The following KDM3B variants were observed in gnomAD, a reference collection of about 807,000 sequenced individuals.
The protein encoded by KDM3B is lysine demethylase 3B.
KDM3B carries 10 observed loss-of-function variants against 170.0 expected under a neutral mutation model. The ratio of observed to expected loss-of-function variants is 0.06; its 90% CI spans 0.04 to 0.10. The LOEUF is 0.10. Among genes scored for constraint, KDM3B ranks in the 10% least tolerant of loss-of-function variants. KDM3B has a pLI of 1.00. For missense variants in KDM3B, 1,394 were observed against 2,195.2 expected, an observed-to-expected ratio of 0.64 and a Z score of 7.29; for synonymous variants, 831 against 834.8, an observed-to-expected ratio of 1.00 and a Z score of 0.08.
chr5:138,403,407 G>A (rs1278257979), intron 11 of KDM3B, among the ~76,000 whole-genome samples: 1 of 152,126 alleles, frequency 6.6e-6, no homozygotes, highest in Non-Finnish European at 1.5e-5. Context: ...CTGGCACAGT[G>A]GCTCATGCCT....
intron 1 of KDM3B, among the ~76,000 whole-genome samples, chr5:138,357,111 A>G (rs779385438): frequency 1.1e-4 from 17 of 149,770 alleles, no homozygotes; most frequent in East Asian, 2.0e-4. Context: ...GGCTCAAGCA[A>G]TCCTCCCAGG....
intron 1 of KDM3B, among the ~76,000 whole-genome samples, chr5:138,362,954 T>G (rs1761652223): frequency 6.6e-6 from 1 of 151,236 alleles, no homozygotes; most frequent in African/African-American, 2.4e-5. Flanking sequence ...ATTTCTATAA[T>G]TTCTATAGAA....
At chr5:138,426,358 A>C (rs1198912345) in intron 17 of KDM3B, among the ~76,000 whole-genome samples, 1 of 149,226 alleles carries the variant, frequency 6.7e-6, no homozygotes, top group African/African-American at 2.5e-5. Context: ...GTGGATCACA[A>C]GGTAAGGAGA....
intron 12 of KDM3B, among the ~76,000 whole-genome samples, chr5:138,416,781 CT>C (rs1183012849): frequency 8.6e-5 from 13 of 151,598 alleles, no homozygotes; most frequent in Admixed American, 2.0e-4. Flanking sequence ...TAGTTTTTAC[CT>C]TTTTTTTAAG....
chr5:138,369,595 C>T (rs1327257357), intron 1 of KDM3B, among the ~76,000 whole-genome samples: 1 of 152,200 alleles, frequency 6.6e-6, no homozygotes, highest in East Asian at 1.9e-4. Flanking sequence ...CTACTCCTAG[C>T]GTTTTTAGCC....
At chr5:138,407,439 G>T (rs1019058755) in intron 11 of KDM3B, among the ~76,000 whole-genome samples, 7 of 152,062 alleles carry the variant, frequency 4.6e-5, no homozygotes, top group Admixed American at 2.0e-4. Flanking sequence ...TCTCACTAGA[G>T]AGAGAGCTGA....
chr5:138,398,111 C>T, intron 9 of KDM3B, 67 bp from the exon 10 acceptor site: 1 of 1,239,358 alleles, frequency 8.1e-7, no homozygotes, highest in Non-Finnish European at 1.1e-6. Flanking sequence ...GTTTAGGTCC[C>T]AGGAGTTTAG....
chr5:138,391,650 G>C lies in KDM3B; in HGVS notation c.2018G>C (p.Ser673Thr). 1 of 1,614,036 alleles carries C rather than the reference G, an allele frequency of 6.2e-7. No individual in the cohort carries two copies. Among genetic ancestry groups the C allele is most frequent in the Non-Finnish European group, 8.5e-7 (1 of 1,180,028 alleles). The change falls in exon 8 of 24, where the codon AGC becomes ACC. Residue 673 changes from serine (S) to threonine (T), a missense_variant. Ser to Thr is a moderately conservative substitution (Grantham distance 58). Coordinates refer to ENST00000314358, the MANE Select transcript of KDM3B (RefSeq NM_016604.4). The surrounding 1 kb of genome is among the most constrained non-coding windows in gnomAD (Gnocchi z 5.0). ...ATTVTSKVAPSWPESHSSADS... is the reference protein window; with the variant it reads ...ATTVTSKVAPTWPESHSSADS... ...ACTGTCACCTCCAAGGTGGCACCCA[G>C]CTGGCCCGAGTCTCACTCCTCTGCA... is the stretch of plus-strand genomic sequence containing the variant.
chr5:138,404,509 C>T (rs1303591790), intron 11 of KDM3B, among the ~76,000 whole-genome samples: 1 of 151,546 alleles, frequency 6.6e-6, no homozygotes, highest in African/African-American at 2.4e-5. Context: ...TGCCTGTGGT[C>T]CCAGCTACTT....
chr5:138,370,527 A>G (rs1018056974), intron 1 of KDM3B, among the ~76,000 whole-genome samples: 1 of 152,146 alleles, frequency 6.6e-6, no homozygotes, highest in Non-Finnish European at 1.5e-5. Context: ...ATTCAGTAAT[A>G]TTTTCCTTCA....
intron 3 of KDM3B, 58 bp downstream of exon 3, chr5:138,375,264 G>C: frequency 9.1e-7 from 1 of 1,096,820 alleles, no homozygotes; most frequent in Non-Finnish European, 1.4e-6. Flanking sequence ...TAATTTCTTT[G>C]TTGATATAAA....
intron 7 of KDM3B, among the ~76,000 whole-genome samples, chr5:138,389,326 A>G (rs1580906183): frequency 1.3e-5 from 2 of 152,158 alleles, no homozygotes; most frequent in Non-Finnish European, 2.9e-5. Context: ...TCTCTATGCT[A>G]CTCCTCAAGG....
chr5:138,416,588 CAA>C (rs545925296), intron 12 of KDM3B, among the ~76,000 whole-genome samples: 18,143 of 84,222 alleles, frequency 0.22, 1,004 homozygotes, highest in South Asian at 0.35. Flanking sequence ...GACTCTGTCT[CAA>C]AAAAAAAAAA....
At chr5:138,367,936 C>A (rs896772016) in intron 1 of KDM3B, among the ~76,000 whole-genome samples, 1 of 151,866 alleles carries the variant, frequency 6.6e-6, no homozygotes, top group Admixed American at 6.6e-5. Flanking sequence ...TCACTTGAAC[C>A]TGGGAGGTGG....
intron 9 of KDM3B, among the ~76,000 whole-genome samples, chr5:138,393,832 G>A (rs1479369598): frequency 1.3e-5 from 2 of 152,084 alleles, no homozygotes; most frequent in African/African-American, 2.4e-5. Flanking sequence ...AATATCGTCT[G>A]CTTTTACCAA....
chr5:138,421,313 G>A (rs1763268151), intron 15 of KDM3B, among the ~76,000 whole-genome samples: 2 of 151,958 alleles, frequency 1.3e-5, no homozygotes, highest in African/African-American at 2.4e-5. Context: ...CCTTTAATGC[G>A]CCTAAGCCTG....
intron 9 of KDM3B, among the ~76,000 whole-genome samples, chr5:138,396,441 G>GA (rs1561776979): frequency 6.6e-6 from 1 of 152,190 alleles, no homozygotes; most frequent in East Asian, 1.9e-4. Context: ...CAGATAAATG[G>GA]AGGGAGGGTA....
At chr5:138,354,338 G>A (rs1035379673) in intron 1 of KDM3B, among the ~76,000 whole-genome samples, 1 of 152,206 alleles carries the variant, frequency 6.6e-6, no homozygotes, top group African/African-American at 2.4e-5. Context: ...GATTAAGACT[G>A]GGATTTGGAT....
intron 11 of KDM3B, among the ~76,000 whole-genome samples, chr5:138,401,847 T>C (rs1027048222): frequency 6.6e-6 from 1 of 152,248 alleles, no homozygotes; most frequent in Non-Finnish European, 1.5e-5. Context: ...TTGTGTCGTT[T>C]TGATTTGCTT....
Sources: allele counts gnomAD v4.1 joint callset (sites outside exome capture counted in the v4.1 genomes callset), GRCh38; gene constraint gnomAD v4.1.1; non-coding constraint Gnocchi (gnomAD v3.1); transcripts MANE v1.5; gene names NCBI Gene and HGNC (gene_info 2026-07-23, HGNC 2026-07-21).